CAMKMT: variants seen among roughly 807,000 people sequenced by gnomAD.
CAMKMT encodes CaM KMT.
A neutral mutation model predicts 48.0 loss-of-function variants in CAMKMT; 53 were observed. That is an observed-to-expected ratio of 1.10 (90% CI 0.89 to 1.39). The LOEUF is 1.39. CAMKMT is among the 40% of genes most tolerant of loss of function. CAMKMT has a pLI of 0.00. For missense variants in CAMKMT, 428 were observed against 402.7 expected (o/e 1.06, Z -0.54); for synonymous variants, 165 against 152.3 (o/e 1.08, Z -0.61).
chr2:44,469,257 TGTTA>T (rs1412493816), intron 3 of CAMKMT, among the ~76,000 whole-genome samples: 3 of 117,976 alleles, frequency 2.5e-5, no homozygotes, highest in Non-Finnish European at 5.4e-5. Flanking sequence ...AATTACTATG[TGTTA>T]GTTAAATATA....
intron 6 of CAMKMT, among the ~76,000 whole-genome samples, chr2:44,714,119 T>C (rs1162161742): frequency 1.3e-5 from 2 of 152,172 alleles, no homozygotes; most frequent in Non-Finnish European, 2.9e-5. Flanking sequence ...GAAAATATGA[T>C]GAAGCCAGGA....
intron 9 of CAMKMT, among the ~76,000 whole-genome samples, chr2:44,757,916 G>C (rs1680450711): frequency 6.6e-6 from 1 of 152,122 alleles, no homozygotes; most frequent in African/African-American, 2.4e-5. Flanking sequence ...AAATGCTGGT[G>C]GGAGGGGAAG....
intron 3 of CAMKMT, among the ~76,000 whole-genome samples, chr2:44,459,326 A>G (rs1667734724): frequency 6.6e-6 from 1 of 152,158 alleles, no homozygotes; most frequent in South Asian, 2.1e-4. Context: ...ACACAAACCC[A>G]TTACAGGGTT....
At chr2:44,467,638 A>G (rs747657904) in intron 3 of CAMKMT, among the ~76,000 whole-genome samples, 5 of 152,204 alleles carry the variant, frequency 3.3e-5, no homozygotes, top group African/African-American at 7.2e-5. Flanking sequence ...GCAAAACAAT[A>G]TGGTACTGGC....
chr2:44,436,536 A>G (rs1067354), intron 3 of CAMKMT, among the ~76,000 whole-genome samples: 117,237 of 151,880 alleles, frequency 0.77, 45,546 homozygotes, highest in South Asian at 0.87. Flanking sequence ...GGTTTTGAGG[A>G]CCACACAGGG....
At chr2:44,684,055 C>T (rs1318143522) in intron 3 of CAMKMT, among the ~76,000 whole-genome samples, 1 of 152,052 alleles carries the variant, frequency 6.6e-6, no homozygotes, top group Non-Finnish European at 1.5e-5. Flanking sequence ...CTAAATACAA[C>T]GTTCTGGGTT....
chr2:44,712,199 G>C (rs1165054471), intron 6 of CAMKMT, among the ~76,000 whole-genome samples: 1 of 151,036 alleles, frequency 6.6e-6, no homozygotes, highest in African/African-American at 2.4e-5. Flanking sequence ...AAATGAATAG[G>C]GTTTATATTA....
At chr2:44,508,282 A>C (rs751916841) in intron 3 of CAMKMT, among the ~76,000 whole-genome samples, 2 of 152,194 alleles carry the variant, frequency 1.3e-5, no homozygotes, top group African/African-American at 2.4e-5. Context: ...ATGTAAACCT[A>C]TAGCCACATT....
At chr2:44,675,093 A>G (rs1256421756) in intron 3 of CAMKMT, among the ~76,000 whole-genome samples, 1 of 152,068 alleles carries the variant, frequency 6.6e-6, no homozygotes, top group Non-Finnish European at 1.5e-5. Flanking sequence ...GGGAAAAAAA[A>G]AAAGGCAAGC....
chr2:44,489,992 A>C (rs1669407912), intron 3 of CAMKMT, among the ~76,000 whole-genome samples: 1 of 152,094 alleles, frequency 6.6e-6, no homozygotes, highest in Admixed American at 6.6e-5. Flanking sequence ...TATTAGATTA[A>C]TACACACACA....
At chr2:44,570,694 G>GT (rs926964420) in intron 3 of CAMKMT, among the ~76,000 whole-genome samples, 8 of 152,070 alleles carry the variant, frequency 5.3e-5, no homozygotes, top group African/African-American at 1.9e-4. Context: ...TTTTTAGACA[G>GT]TTTTTTTGTT....
intron 3 of CAMKMT, among the ~76,000 whole-genome samples, chr2:44,440,540 A>T (rs1409018185): frequency 1.3e-5 from 2 of 152,142 alleles, no homozygotes; most frequent in African/African-American, 4.8e-5. Context: ...CACTAACTCT[A>T]TGGCTTTTTA....
chr2:44,525,489 C>T (rs1163799310), intron 3 of CAMKMT, among the ~76,000 whole-genome samples: 4 of 152,064 alleles, frequency 2.6e-5, no homozygotes, highest in Non-Finnish European at 5.9e-5. Flanking sequence ...CTCCTGACCT[C>T]GTGATCCACC....
At chr2:44,421,797 G>A (rs373590871) in intron 3 of CAMKMT, among the ~76,000 whole-genome samples, 17 of 152,280 alleles carry the variant, frequency 1.1e-4, no homozygotes, top group African/African-American at 4.1e-4. Context: ...AAAGATTTAG[G>A]AATCTTTTAA....
chr2:44,742,477 G>A (rs1679731683), intron 7 of CAMKMT, among the ~76,000 whole-genome samples: 1 of 152,094 alleles, frequency 6.6e-6, no homozygotes, highest in Non-Finnish European at 1.5e-5. Context: ...GTGTCCATAT[G>A]GCCCATCAAG....
chr2:44,763,355 G>A (rs143089416), intron 9 of CAMKMT, among the ~76,000 whole-genome samples: 6 of 152,218 alleles, frequency 3.9e-5, no homozygotes, highest in African/African-American at 7.2e-5. Flanking sequence ...AAAGCTTCTC[G>A]GGAAAATCTT....
At chr2:44,557,896 C>G (rs1489114337) in intron 3 of CAMKMT, among the ~76,000 whole-genome samples, 1 of 152,142 alleles carries the variant, frequency 6.6e-6, no homozygotes, top group Non-Finnish European at 1.5e-5. Flanking sequence ...AGGTTGGTCT[C>G]CACTCCCCAC....
chr2:44,438,141 A>G (rs1005830326), intron 3 of CAMKMT, among the ~76,000 whole-genome samples: 2 of 152,196 alleles, frequency 1.3e-5, no homozygotes, highest in African/African-American at 4.8e-5. Flanking sequence ...AACTAGATCA[A>G]GGTCACTCAG....
At chr2:44,691,345 G>A (rs180688254) in intron 3 of CAMKMT, among the ~76,000 whole-genome samples, 1 of 152,334 alleles carries the variant, frequency 6.6e-6, no homozygotes, top group Admixed American at 6.5e-5. Context: ...AGGGCCTCGG[G>A]GAACGTTGCC....
Sources: allele counts gnomAD v4.1 joint callset (sites outside exome capture counted in the v4.1 genomes callset), GRCh38; gene constraint gnomAD v4.1.1; transcripts MANE v1.5; gene names NCBI Gene and HGNC (gene_info 2026-07-23, HGNC 2026-07-21).